ZNF536: variants seen among roughly 807,000 people sequenced by gnomAD.
ZNF536 encodes zinc finger protein 536.
A neutral mutation model predicts 84.5 loss-of-function variants in ZNF536; 13 were observed. That is an observed-to-expected ratio of 0.15 (90% CI 0.10 to 0.24). The LOEUF (loss-of-function observed/expected upper bound fraction) is 0.24. Ranked by LOEUF, ZNF536 falls within the 10% of genes least tolerant of loss-of-function variation. The pLI is 1.00. For missense variants in ZNF536, 1,536 were observed against 1,747.5 expected (o/e 0.88, Z 2.16); for synonymous variants, 811 against 742.5 (o/e 1.09, Z -1.50).
intron 2 of ZNF536, among the ~76,000 whole-genome samples, chr19:30,344,059 C>T (rs938721000): frequency 2.0e-5 from 3 of 151,860 alleles, no homozygotes; most frequent in African/African-American, 4.8e-5. Context: ...TGAAGGGGCC[C>T]CTGTCAGAAC....
intron 1 of ZNF536, among the ~76,000 whole-genome samples, chr19:30,680,259 A>ATT (rs1229098320): frequency 1.4e-4 from 18 of 131,836 alleles, no homozygotes; most frequent in African/African-American, 3.1e-4. Flanking sequence ...ATTTTATTTT[A>ATT]TTATTATTAT....
intron 2 of ZNF536, among the ~76,000 whole-genome samples, chr19:30,454,252 C>T (rs1222466821): frequency 1.3e-5 from 2 of 152,214 alleles, no homozygotes; most frequent in Non-Finnish European, 2.9e-5. Context: ...TTTCTTTTGT[C>T]TGACCTCAGT....
At chr19:30,602,156 A>G (rs2047710109) in intron 1 of ZNF536, among the ~76,000 whole-genome samples, 1 of 152,244 alleles carries the variant, frequency 6.6e-6, no homozygotes, top group Non-Finnish European at 1.5e-5. Flanking sequence ...CTTTGATGCA[A>G]TGATGAGGAA....
chr19:30,666,406 C>T (rs967052221), intron 1 of ZNF536, among the ~76,000 whole-genome samples: 5 of 152,182 alleles, frequency 3.3e-5, no homozygotes, highest in East Asian at 1.9e-4. Flanking sequence ...TCCTCCCTCC[C>T]TTCCACTCCC....
intron 1 of ZNF536, among the ~76,000 whole-genome samples, chr19:30,677,572 C>T (rs138293204): frequency 1.5e-4 from 23 of 152,336 alleles, no homozygotes; most frequent in Middle Eastern, 3.4e-3. Flanking sequence ...AAATGTCCCC[C>T]GGGGACACAG....
intron 1 of ZNF536, among the ~76,000 whole-genome samples, chr19:30,249,611 C>A (rs1006203706): frequency 5.9e-5 from 9 of 152,182 alleles, no homozygotes; most frequent in Admixed American, 5.9e-4. Context: ...CCTGACTGCA[C>A]CCCACCTTGG....
intron 2 of ZNF536, among the ~76,000 whole-genome samples, chr19:30,328,085 C>A (rs934007695): frequency 2.6e-5 from 4 of 152,088 alleles, no homozygotes; most frequent in Non-Finnish European, 4.4e-5. Flanking sequence ...GGGCAGAAAC[C>A]CTCGATTCAC....
rs914349353 is a variant in ZNF536, at chr19:30,508,820, CTTTTTTT to C, written c.2171-26008_2171-26002del. Among the ~76,000 whole-genome samples the C allele has an allele frequency of 6.3e-3, 430 of 68,772 alleles. 1 individual carries two copies. The highest frequency in any genetic ancestry group is 0.031 in the South Asian group (52 of 1,672). 45.1% of individuals were successfully genotyped at this position (68,772 alleles called of 152,430 possible). ...TCTTTTCTCTTTTCTTTCTTTCTTT[CTTTTTTT>C]TTTTTTTTTTTTTTTTTTGCGTCAG... On this transcript the variant is annotated intron_variant, in intron 2 of 4. Coordinates refer to ENST00000355537, the MANE Select transcript of ZNF536 (RefSeq NM_014717.3).
intron 1 of ZNF536, among the ~76,000 whole-genome samples, chr19:30,630,708 C>T (rs2048857327): frequency 1.3e-5 from 2 of 152,302 alleles, no homozygotes; most frequent in Non-Finnish European, 2.9e-5. Flanking sequence ...GCTACCCAGG[C>T]TCAGTCTGGG....
chr19:30,234,397 C>CTTTTTTTT (rs5827694), intron 1 of ZNF536, among the ~76,000 whole-genome samples: 4 of 82,394 alleles, frequency 4.9e-5, no homozygotes, highest in East Asian at 3.8e-4. Context: ...AGGCTCCTTC[C>CTTTTTTTT]TTTTTTTTTT....
intron 2 of ZNF536, among the ~76,000 whole-genome samples, chr19:30,291,779 A>G (rs1468372525): frequency 1.3e-5 from 2 of 152,164 alleles, no homozygotes; most frequent in East Asian, 1.9e-4. Flanking sequence ...AGCCATCTTC[A>G]TGGGTGTGCA....
rs887619946 is a variant in ZNF536, at chr19:30,232,382, A to T, written c.-190+3709A>T. On this transcript the variant is annotated intron_variant, in intron 1 of 5. Transcript: ENST00000585628. ...GGTCTGGGGTACAATGCATCCCGTC[A>T]CCCAGGTAGTGAGCATGGCACCCAG... is the stretch of plus-strand genomic sequence containing the variant. Among the ~76,000 whole-genome samples the T allele has an allele frequency of 5.9e-5, 9 of 152,202 alleles. No homozygotes were observed. In the East Asian group the frequency reaches 1.7e-3, roughly 29 times the overall value.
intron 1 of ZNF536, among the ~76,000 whole-genome samples, chr19:30,265,850 A>T (rs1230122005): frequency 6.6e-6 from 1 of 152,052 alleles, no homozygotes; most frequent in Non-Finnish European, 1.5e-5. Flanking sequence ...GCTCTGTCAA[A>T]GGGTAAGAAG....
intron 2 of ZNF536, among the ~76,000 whole-genome samples, chr19:30,459,326 C>T (rs1600826881): frequency 9.8e-5 from 11 of 112,710 alleles, no homozygotes; most frequent in African/African-American, 9.8e-5. Flanking sequence ...CCTTTTCTTT[C>T]TTTCTTTCTT....
intron 2 of ZNF536, among the ~76,000 whole-genome samples, chr19:30,488,609 G>A (rs768665003): frequency 2.6e-5 from 4 of 151,104 alleles, no homozygotes; most frequent in Non-Finnish European, 4.4e-5. Flanking sequence ...ACTCTTCTGA[G>A]CATCGAATCA....
intron 2 of ZNF536, among the ~76,000 whole-genome samples, chr19:30,496,604 C>T (rs576892466): frequency 3.9e-5 from 6 of 152,090 alleles, no homozygotes; most frequent in Admixed American, 1.3e-4. Context: ...GCATTGCTGT[C>T]GGAATTACAT....
intron 3 of ZNF536, among the ~76,000 whole-genome samples, chr19:30,536,244 T>G (rs531131040): frequency 6.6e-6 from 1 of 152,290 alleles, no homozygotes; most frequent in Admixed American, 6.5e-5. Context: ...GTTCTTCCAA[T>G]GCAGAATGCC....
At chr19:30,253,169 G>A (rs2024711957) in intron 1 of ZNF536, among the ~76,000 whole-genome samples, 1 of 152,200 alleles carries the variant, frequency 6.6e-6, no homozygotes, top group African/African-American at 2.4e-5. Flanking sequence ...CAAATGTGGA[G>A]AGGGATCCTA....
At chr19:30,284,792 A>G (rs1160071282) in intron 2 of ZNF536, among the ~76,000 whole-genome samples, 2 of 152,244 alleles carry the variant, frequency 1.3e-5, no homozygotes, top group African/African-American at 4.8e-5. Flanking sequence ...CACACGTCTC[A>G]GAGGTCACTA....
Sources: allele counts gnomAD v4.1 joint callset (sites outside exome capture counted in the v4.1 genomes callset), GRCh38; gene constraint gnomAD v4.1.1; transcripts MANE v1.5; gene names NCBI Gene and HGNC (gene_info 2026-07-23, HGNC 2026-07-21).